The following AOPEP variants were observed in gnomAD, a reference collection of about 807,000 sequenced individuals.
AOPEP encodes aminopeptidase O (putative), also known as aminopeptidase O.
In AOPEP, 77 loss-of-function variants were observed where a neutral mutation model predicts 98.1. The observed-to-expected ratio is 0.78, with a 90% CI of 0.65 to 0.95. AOPEP has a LOEUF of 0.95. AOPEP is among the 40% of genes least tolerant of loss of function. The probability of loss-of-function intolerance (pLI) is 0.00; values close to 1 mark genes in which losing one functional copy is unlikely to be tolerated. For missense variants in AOPEP, 1,024 were observed against 1,024.7 expected (o/e 1.00, Z 0.01); for synonymous variants, 346 against 365.3 (o/e 0.95, Z 0.60).
intron 16 of AOPEP, among the ~76,000 whole-genome samples, chr9:95,083,516 C>T (rs2070141555): frequency 1.3e-5 from 2 of 150,644 alleles, no homozygotes; most frequent in South Asian, 4.2e-4. Context: ...ACCTGGAGCA[C>T]CCACAGCACA....
At chr9:95,096,963 G>C in the AOPEP span, among the ~76,000 whole-genome samples, 1 of 152,196 alleles carries the variant, frequency 6.6e-6, no homozygotes, top group African/African-American at 2.4e-5. Flanking sequence ...CCCTCGGTTG[G>C]AAGGGGATTG....
At chr9:94,732,756 A>T (rs575992057) in intron 1 of AOPEP, among the ~76,000 whole-genome samples, 1 of 152,382 alleles carries the variant, frequency 6.6e-6, no homozygotes, top group African/African-American at 2.4e-5. Flanking sequence ...TATACTAAAT[A>T]CAGAATATAA....
At chr9:95,103,837 G>A in the AOPEP span, among the ~76,000 whole-genome samples, 1 of 152,228 alleles carries the variant, frequency 6.6e-6, no homozygotes, top group Non-Finnish European at 1.5e-5. Context: ...GGACCAGTGC[G>A]TCCTTTAGGT....
chr9:95,005,856 C>T (rs2061972401), intron 13 of AOPEP: 1 of 582,744 alleles, frequency 1.7e-6, no homozygotes, highest in Non-Finnish European at 3.1e-6. Context: ...TTAAATACAG[C>T]AATCGGACTT....
At chr9:94,896,743 C>T (rs2049621637) in intron 5 of AOPEP, among the ~76,000 whole-genome samples, 1 of 152,148 alleles carries the variant, frequency 6.6e-6, no homozygotes. Flanking sequence ...GTCTGAGAAA[C>T]TGTCTCAAGC....
intron 7 of AOPEP, among the ~76,000 whole-genome samples, chr9:94,929,973 A>G (rs2055025558): frequency 6.6e-6 from 1 of 152,162 alleles, no homozygotes; most frequent in Non-Finnish European, 1.5e-5. Context: ...GCAGGGGCCA[A>G]GAGAGGCAGG....
chr9:95,087,556 C>A (rs984079300), downstream of AOPEP, among the ~76,000 whole-genome samples: 1 of 143,870 alleles, frequency 7.0e-6, no homozygotes, highest in African/African-American at 2.6e-5. Flanking sequence ...GTTCCCCCCC[C>A]ACCTCACTAG....
chr9:94,730,719 G>C (rs760655427), intron 1 of AOPEP, among the ~76,000 whole-genome samples: 1 of 152,164 alleles, frequency 6.6e-6, no homozygotes, highest in Non-Finnish European at 1.5e-5. Context: ...AATAAGAGGC[G>C]TAACTCAGAC....
intron 9 of AOPEP, among the ~76,000 whole-genome samples, chr9:94,966,218 C>T (rs963294699): frequency 2.7e-5 from 4 of 150,780 alleles, no homozygotes; most frequent in Admixed American, 2.0e-4. Context: ...TGGGATGCTT[C>T]GGTCTGCAGT....
At chr9:94,742,151 G>A (rs147120211) in intron 1 of AOPEP, among the ~76,000 whole-genome samples, 48 of 152,344 alleles carry the variant, frequency 3.2e-4, no homozygotes, top group Admixed American at 9.8e-4. Flanking sequence ...CACAGTTGTT[G>A]CAGTCAATAC....
intron 11 of AOPEP, among the ~76,000 whole-genome samples, chr9:94,988,516 GA>G (rs1358398715): frequency 6.6e-6 from 1 of 152,194 alleles, no homozygotes; most frequent in Non-Finnish European, 1.5e-5. Flanking sequence ...ACCGTAGAGA[GA>G]AAGCTAATAT....
rs191017688 is a variant in AOPEP, at chr9:94,878,983, G to T, written c.1365-45003G>T. On this transcript the variant is annotated intron_variant, in intron 5 of 16. Transcript: ENST00000375315. ...GATCAGAGTTTTTAAGGGTAATTGGGTGGGTGGAAGAACTCAGCTGTCTTC... is the reference window on the plus strand; with the variant it reads ...GATCAGAGTTTTTAAGGGTAATTGGTTGGGTGGAAGAACTCAGCTGTCTTC... Among the ~76,000 whole-genome samples, 79 of 152,308 alleles carry T rather than the reference G, an allele frequency of 5.2e-4. 1 individual carries two copies. The highest frequency in any genetic ancestry group is 5.0e-3 in the Admixed American group (76 of 15,300).
chr9:95,069,279 G>T (rs1048287533), intron 14 of AOPEP, among the ~76,000 whole-genome samples: 1 of 152,174 alleles, frequency 6.6e-6, no homozygotes, highest in Non-Finnish European at 1.5e-5. Flanking sequence ...TCACCTCCAG[G>T]GAAAGTGAGG....
the AOPEP span, chr9:95,111,740 C>T: frequency 7.2e-7 from 1 of 1,385,038 alleles, no homozygotes; most frequent in South Asian, 1.2e-5. Context: ...TTAAATTGTA[C>T]TTATCCACTG....
At chr9:94,982,076 C>A (rs767615587) in intron 11 of AOPEP, among the ~76,000 whole-genome samples, 5 of 152,052 alleles carry the variant, frequency 3.3e-5, no homozygotes, top group Non-Finnish European at 5.9e-5. Context: ...TCTGGCCTTA[C>A]AAAGAGATTT....
At chr9:95,067,814 A>G (rs2068069175) in intron 14 of AOPEP, among the ~76,000 whole-genome samples, 2 of 152,148 alleles carry the variant, frequency 1.3e-5, no homozygotes, top group African/African-American at 2.4e-5. Context: ...GTCATCCCCA[A>G]AAGAAACCCA....
intron 14 of AOPEP, among the ~76,000 whole-genome samples, chr9:95,071,454 A>G (rs2068504356): frequency 6.6e-6 from 1 of 152,186 alleles, no homozygotes; most frequent in African/African-American, 2.4e-5. Context: ...TTCCGTATTT[A>G]TGTATAGTCA....
chr9:95,052,662 T>A (rs1042195413), intron 13 of AOPEP, among the ~76,000 whole-genome samples: 3 of 152,206 alleles, frequency 2.0e-5, no homozygotes, highest in African/African-American at 7.2e-5. Context: ...TTGTAATGAA[T>A]AATCCTACAC....
chr9:94,810,337 C>T (rs1850253040), intron 5 of AOPEP, among the ~76,000 whole-genome samples: 1 of 147,888 alleles, frequency 6.8e-6, no homozygotes, highest in African/African-American at 2.5e-5. Flanking sequence ...TTTTTTGAGA[C>T]AGAGTCTCGC....
Sources: gnomAD v4.1 joint callset for allele counts (sites outside exome capture counted in the v4.1 genomes callset) on GRCh38, gnomAD v4.1.1 for gene constraint, MANE v1.5 for transcripts, NCBI Gene and HGNC (gene_info 2026-07-23, HGNC 2026-07-21) for gene names.